TTC17: variants seen among roughly 807,000 people sequenced by gnomAD.
TTC17 encodes tetratricopeptide repeat domain 17, also known as tetratricopeptide repeat protein 17.
A neutral mutation model predicts 143.8 loss-of-function variants in TTC17; 58 were observed. The observed-to-expected ratio is 0.40, with a 90% CI of 0.33 to 0.50. The LOEUF is 0.50. Among genes scored for constraint, TTC17 ranks in the 20% least tolerant of loss-of-function variants. The probability of loss-of-function intolerance (pLI) is 0.49; values close to 1 mark genes in which losing one functional copy is unlikely to be tolerated. For synonymous variants in TTC17, 501 were observed against 497.8 expected (o/e 1.01, Z -0.09); for missense variants, 1,273 against 1,392.5 (o/e 0.91, Z 1.37).
intron 17 of TTC17, 123 bp downstream of exon 17, chr11:43,443,707 C>A: frequency 7.9e-7 from 1 of 1,260,630 alleles, no homozygotes; most frequent in Non-Finnish European, 1.1e-6. Flanking sequence ...CCAGGACAGC[C>A]TTCACATTGG....
intron 1 of TTC17, among the ~76,000 whole-genome samples, chr11:43,371,023 TGG>T (rs11332875): frequency 0.35 from 38,320 of 108,632 alleles, 6,299 homozygotes; most frequent in Admixed American, 0.47. Flanking sequence ...GGAGGGGAGG[TGG>T]GGGGGGGGGT....
intron 16 of TTC17, among the ~76,000 whole-genome samples, chr11:43,425,384 TAGAGTGGG>T (rs1170301663): frequency 2.6e-5 from 4 of 152,330 alleles, no homozygotes; most frequent in African/African-American, 9.6e-5. Flanking sequence ...TCTACGTTGG[TAGAGTGGG>T]CTCTTTTTAA....
In TTC17 at chr11:43,421,258, A is replaced by G. The variant is rs554610709; in HGVS notation, c.2251+6482A>G. On this transcript the variant is annotated intron_variant, in intron 16 of 23. Coordinates refer to ENST00000039989, the MANE Select transcript of TTC17 (RefSeq NM_018259.6). The stretch of plus-strand genomic sequence containing the variant: ...CCATGCAGATATACAGCATAAAAGC[A>G]TTTCAGGCAGAGAGAATAGCATTGC... 6.6e-5 allele frequency among the ~76,000 whole-genome samples: 10 copies of G among 152,338 alleles called. No individual in the cohort carries two copies. In the South Asian group the frequency reaches 2.1e-3, roughly 32 times the overall value.
chr11:43,467,432 T>G (rs1171846953), intron 21 of TTC17, among the ~76,000 whole-genome samples: 1 of 152,216 alleles, frequency 6.6e-6, no homozygotes, highest in African/African-American at 2.4e-5. Context: ...AGGCCAATAC[T>G]GAATGATTCC....
chr11:43,404,569 A>G (rs550860790), intron 11 of TTC17, among the ~76,000 whole-genome samples: 3 of 152,340 alleles, frequency 2.0e-5, no homozygotes, highest in Admixed American at 2.0e-4. Flanking sequence ...CTGGTAGATG[A>G]TACAGACAAT....
intron 16 of TTC17, among the ~76,000 whole-genome samples, chr11:43,430,450 G>A (rs1179933588): frequency 1.3e-5 from 2 of 151,984 alleles, no homozygotes; most frequent in Non-Finnish European, 2.9e-5. Flanking sequence ...AAACTAGAGG[G>A]AGGGAGTTGT....
intron 1 of TTC17, among the ~76,000 whole-genome samples, chr11:43,365,745 G>A (rs1322399956): frequency 6.6e-6 from 1 of 152,218 alleles, no homozygotes; most frequent in Non-Finnish European, 1.5e-5. Context: ...ATCTGATTCA[G>A]TAGGTTGGTG....
At chr11:43,381,424 G>C (rs969850224) in intron 2 of TTC17, among the ~76,000 whole-genome samples, 11 of 152,172 alleles carry the variant, frequency 7.2e-5, no homozygotes, top group African/African-American at 2.4e-5. Flanking sequence ...GCACTGTGGA[G>C]TTAAGGGAGC....
At chr11:43,487,122 A>G (rs1948395619) in intron 21 of TTC17, among the ~76,000 whole-genome samples, 1 of 152,140 alleles carries the variant, frequency 6.6e-6, no homozygotes, top group Admixed American at 6.6e-5. Flanking sequence ...TATTAGCATT[A>G]AAGAAATAAC....
intron 15 of TTC17, among the ~76,000 whole-genome samples, chr11:43,410,656 CCTTTATT>C (rs1219385179): frequency 3.9e-5 from 6 of 152,316 alleles, no homozygotes; most frequent in African/African-American, 1.4e-4. Flanking sequence ...ACTCCAGACT[CCTTTATT>C]CAACAGCTTA....
intron 6 of TTC17, 111 bp downstream of exon 6, chr11:43,396,929 T>A: frequency 2.1e-6 from 1 of 484,916 alleles, no homozygotes. Context: ...CTTTTCTCCA[T>A]CCCTGTTCAA....
chr11:43,472,628 G>A (rs1022907797), intron 21 of TTC17, among the ~76,000 whole-genome samples: 1 of 152,000 alleles, frequency 6.6e-6, no homozygotes, highest in African/African-American at 2.4e-5. Context: ...AAAAAAATCA[G>A]TAAAAATATA....
rs73549436 is a variant in TTC17, at chr11:43,389,393, C to T, written c.250-259C>T. On this transcript the variant is annotated intron_variant, in intron 2 of 23. Coordinates refer to ENST00000039989, the MANE Select transcript of TTC17 (RefSeq NM_018259.6). Reference sequence around the variant, plus strand: ...GAAAGTTAAGTTAGTAGATGTGCTTCGTGGGTAGTCAGAAATCATCTTATG... The same window carrying T: ...GAAAGTTAAGTTAGTAGATGTGCTTTGTGGGTAGTCAGAAATCATCTTATG... Among the ~76,000 whole-genome samples the T allele has an allele frequency of 2.1e-3, 325 of 152,210 alleles. 3 individuals are homozygous for T. Among genetic ancestry groups the T allele is most frequent in the African/African-American group, 6.7e-3 (279 of 41,528 alleles).
chr11:43,493,582 A>G (rs896928939), intron 23 of TTC17, among the ~76,000 whole-genome samples, 191 bp from the exon 24 acceptor site: 4 of 152,036 alleles, frequency 2.6e-5, no homozygotes, highest in Non-Finnish European at 4.4e-5. Flanking sequence ...CCTCATTCCC[A>G]TACCTCGGGA....
chr11:43,454,062 G>A (rs551108594), intron 21 of TTC17, among the ~76,000 whole-genome samples: 3 of 152,098 alleles, frequency 2.0e-5, no homozygotes, highest in Non-Finnish European at 4.4e-5. Context: ...CTAAGTTGGG[G>A]ATTGTTTGAG....
At chr11:43,431,276 G>A (rs1373993630) in intron 16 of TTC17, among the ~76,000 whole-genome samples, 2 of 152,114 alleles carry the variant, frequency 1.3e-5, no homozygotes, top group African/African-American at 4.8e-5. Flanking sequence ...ATAATCCTTT[G>A]GTTATATACC....
intron 20 of TTC17, 145 bp from the exon 21 acceptor site, chr11:43,451,037 T>C: frequency 1.5e-6 from 1 of 652,896 alleles, no homozygotes; most frequent in Non-Finnish European, 2.5e-6. Context: ...GTGTCTTCCA[T>C]AGATTACCTT....
At chr11:43,444,962 T>C (rs1238353135) in intron 18 of TTC17, among the ~76,000 whole-genome samples, 1 of 152,180 alleles carries the variant, frequency 6.6e-6, no homozygotes, top group East Asian at 1.9e-4. Context: ...CTTCTAGTAA[T>C]TTACCCTAAG....
chr11:43,377,248 ACACCACTG>A (rs1371994595), intron 1 of TTC17, among the ~76,000 whole-genome samples: 2 of 152,066 alleles, frequency 1.3e-5, no homozygotes, highest in African/African-American at 4.8e-5. Context: ...AGTCGAGATC[ACACCACTG>A]CACTCCAGCC....
Sources: allele counts gnomAD v4.1 joint callset (sites outside exome capture counted in the v4.1 genomes callset), GRCh38; gene constraint gnomAD v4.1.1; transcripts MANE v1.5; gene names NCBI Gene and HGNC (gene_info 2026-07-23, HGNC 2026-07-21).